The following CACNA1E variants were observed in gnomAD, a reference collection of about 807,000 sequenced individuals.
The protein encoded by CACNA1E is voltage-dependent R-type calcium channel subunit alpha-1E.
In CACNA1E, 40 loss-of-function variants were observed where a neutral mutation model predicts 259.2. The observed-to-expected ratio is 0.15, with a 90% CI of 0.12 to 0.20. The LOEUF is 0.20. Among genes scored for constraint, CACNA1E ranks in the 10% least tolerant of loss-of-function variants. The pLI is 1.00. For missense variants in CACNA1E, 1,874 were observed against 3,040.1 expected, an observed-to-expected ratio of 0.62 and a Z score of 9.02; for synonymous variants, 1,104 against 1,138.5, an observed-to-expected ratio of 0.97 and a Z score of 0.61.
At chr1:181,503,561 C>G (rs1436618362) in intron 1 of CACNA1E, among the ~76,000 whole-genome samples, 1 of 152,206 alleles carries the variant, frequency 6.6e-6, no homozygotes, top group African/African-American at 2.4e-5. Flanking sequence ...CTGTGTCAGT[C>G]CATGGCTACA....
intron 43 of CACNA1E, among the ~76,000 whole-genome samples, chr1:181,788,813 C>T (rs1032896394): frequency 2.6e-5 from 4 of 152,204 alleles, no homozygotes; most frequent in African/African-American, 9.7e-5. Flanking sequence ...TCCAAGGGTC[C>T]TCTCCCTCTA....
rs576522750 is a variant in CACNA1E, at chr1:181,679,478, G to C, written c.1055+28037G>C. ...AAGGCAAACTCGGGCCAGAGCTCCT[G>C]GGCAGCCAGGGGGCAGATAAGGACA... On this transcript the variant is annotated intron_variant, in intron 7 of 47. Coordinates refer to ENST00000367573, the MANE Select transcript of CACNA1E (RefSeq NM_001205293.3). 2.0e-5 allele frequency among the ~76,000 whole-genome samples: 3 copies of C among 152,298 alleles called. No homozygotes were observed. The South Asian group carries it at 6.2e-4, about 32-fold the overall frequency.
intron 6 of CACNA1E, among the ~76,000 whole-genome samples, chr1:181,647,227 G>A (rs2102037766): frequency 6.6e-6 from 1 of 152,306 alleles, no homozygotes; most frequent in South Asian, 2.1e-4. Context: ...TGCAGGGAGG[G>A]CCCTGGTTTC....
chr1:181,495,629 C>G (rs1312693961), intron 1 of CACNA1E, among the ~76,000 whole-genome samples: 1 of 152,186 alleles, frequency 6.6e-6, no homozygotes, highest in East Asian at 1.9e-4. Flanking sequence ...AGTTTCTAAC[C>G]TGAGTGCTGC....
At chr1:181,480,369 T>C (rs1032398631), upstream of CACNA1E, among the ~76,000 whole-genome samples, 1 of 152,192 alleles carries the variant, frequency 6.6e-6, no homozygotes, top group African/African-American at 2.4e-5. Flanking sequence ...TTATCCCTTT[T>C]AACTCACATA....
chr1:181,534,931 A>G (rs112664833), intron 3 of CACNA1E, among the ~76,000 whole-genome samples: 42 of 152,250 alleles, frequency 2.8e-4, no homozygotes, highest in Admixed American at 7.8e-4. Flanking sequence ...GCTAAGTAAA[A>G]TGACACTAGA....
intron 1 of CACNA1E, among the ~76,000 whole-genome samples, chr1:181,353,598 G>A (rs2102679503): frequency 6.6e-6 from 1 of 152,340 alleles, no homozygotes; most frequent in Non-Finnish European, 1.5e-5. Context: ...TGACGGATGG[G>A]GGTGGGAAGA....
At chr1:181,537,223 C>G (rs1276640290) in intron 3 of CACNA1E, among the ~76,000 whole-genome samples, 1 of 151,242 alleles carries the variant, frequency 6.6e-6, no homozygotes, top group African/African-American at 2.4e-5. Context: ...CCTCAGCTTC[C>G]CAAGTAACTG....
intron 1 of CACNA1E, among the ~76,000 whole-genome samples, chr1:181,490,325 T>C (rs1664200453): frequency 6.6e-6 from 1 of 152,060 alleles, no homozygotes; most frequent in Non-Finnish European, 1.5e-5. Context: ...TATTGTATCT[T>C]GAGCTCCAAA....
intron 6 of CACNA1E, among the ~76,000 whole-genome samples, chr1:181,584,150 A>G (rs1651823919): frequency 6.6e-6 from 1 of 152,192 alleles, no homozygotes; most frequent in Admixed American, 6.5e-5. Context: ...TTATTGTATC[A>G]GGACTAATTC....
chr1:181,489,672 A>C (rs572658006), intron 1 of CACNA1E, among the ~76,000 whole-genome samples: 54 of 152,276 alleles, frequency 3.5e-4, no homozygotes, highest in African/African-American at 1.3e-3. Flanking sequence ...TCCTCTCATC[A>C]TCTTGGGTTT....
intron 13 of CACNA1E, 49 bp downstream of exon 13, chr1:181,719,912 CT>C (rs769896916): frequency 1.7e-5 from 18 of 1,066,162 alleles, no homozygotes; most frequent in Non-Finnish European, 2.8e-6. Context: ...AGAGTAGAAC[CT>C]TTTTTCTGCC....
intron 8 of CACNA1E, among the ~76,000 whole-genome samples, chr1:181,714,250 C>T (rs986499055): frequency 2.6e-5 from 4 of 152,146 alleles, no homozygotes; most frequent in Admixed American, 6.5e-5. Context: ...TAGAATGACT[C>T]ACAGAACTTT....
chr1:181,631,425 A>G (rs1656725899), intron 6 of CACNA1E, among the ~76,000 whole-genome samples: 1 of 152,132 alleles, frequency 6.6e-6, no homozygotes, highest in Non-Finnish European at 1.5e-5. Flanking sequence ...TGCAGTTTTC[A>G]GTCTCTCTGA....
intron 18 of CACNA1E, among the ~76,000 whole-genome samples, chr1:181,728,013 G>C (rs541767965): frequency 6.6e-6 from 1 of 152,154 alleles, no homozygotes; most frequent in East Asian, 1.9e-4. Context: ...GTGAGTGAAA[G>C]AGAAAAATTC....
At chr1:181,444,498 T>C (rs3845433) in intron 2 of CACNA1E, among the ~76,000 whole-genome samples, 3 of 151,550 alleles carry the variant, frequency 2.0e-5, no homozygotes, top group Non-Finnish European at 4.4e-5. Context: ...TCTGGAGAAG[T>C]AGAGAAAGGA....
intron 1 of CACNA1E, among the ~76,000 whole-genome samples, chr1:181,370,453 C>T (rs968030716): frequency 6.6e-6 from 1 of 152,090 alleles, no homozygotes; most frequent in African/African-American, 2.4e-5. Context: ...CAAGTAGGCC[C>T]TGGTATTTGT....
rs74127838 is a variant in CACNA1E, at chr1:181,738,024, C to T, written c.3553-343C>T. Among the ~76,000 whole-genome samples the T allele has an allele frequency of 4.0e-3, 614 of 152,300 alleles. 6 individuals are homozygous for T. The highest frequency in any genetic ancestry group is 0.012 in the African/African-American group (489 of 41,574). ...GGTATGTGTCAGGAGACATGAGGGA[C>T]GCGAGGAGGACAGGAGCTGACAAGG... On this transcript the variant is annotated intron_variant, in intron 23 of 47. Transcript: ENST00000367573.
intron 2 of CACNA1E, among the ~76,000 whole-genome samples, chr1:181,433,178 G>A (rs1199942654): frequency 1.3e-5 from 2 of 152,102 alleles, no homozygotes; most frequent in Non-Finnish European, 2.9e-5. Flanking sequence ...TCAGCTTTGA[G>A]TGTCTTGGCC....
Sources: allele counts gnomAD v4.1 joint callset (sites outside exome capture counted in the v4.1 genomes callset), GRCh38; gene constraint gnomAD v4.1.1; transcripts MANE v1.5; gene names NCBI Gene and HGNC (gene_info 2026-07-23, HGNC 2026-07-21).